VWA3A: variants seen among roughly 807,000 people sequenced by gnomAD.
VWA3A encodes von Willebrand factor A domain-containing protein 3A.
VWA3A carries 134 observed loss-of-function variants against 160.4 expected under a neutral mutation model. The observed-to-expected ratio is 0.84, with a 90% confidence interval of 0.73 to 0.96. The LOEUF is 0.96. Ranked by LOEUF, VWA3A falls within the 40% of genes least tolerant of loss-of-function variation. VWA3A has a pLI of 0.00. For missense variants in VWA3A, 1,310 were observed against 1,447.9 expected (o/e 0.90, Z 1.55); for synonymous variants, 476 against 543.4 (o/e 0.88, Z 1.72).
At chr16:22,148,572 A>G (rs540590250) in intron 28 of VWA3A, among the ~76,000 whole-genome samples, 1 of 152,190 alleles carries the variant, frequency 6.6e-6, no homozygotes, top group South Asian at 2.1e-4. Flanking sequence ...GGAATTCAAG[A>G]CCAGTCTCAG....
At chr16:22,150,956 TCTCCTGGGCCCTAATCCTGTAAATCAGAA>T in intron 30 of VWA3A, 110 bp downstream of exon 30, 1 of 1,318,370 alleles carries the variant, frequency 7.6e-7, no homozygotes, top group East Asian at 2.6e-5. Flanking sequence ...GACACGGGTT[TCTCCTGGGCCCTAATCCTGTAAATCAGAA>T]ATTAGGAGAA....
chr16:22,132,947 C>T lies in VWA3A; in HGVS notation c.1920C>T (p.Leu640=). The part of the protein sequence containing the change: ...YMAEACGGCD[L]QLNVCLFYVG... ...CTGAGGCCTGTGGCGGCTGCGACCT[C>T]CAGCTGAACGTGTGTCTCTTCTACG... Residue 640 remains leucine, a synonymous_variant, in exon 20 of 34, where the codon CTC becomes CTT. Coordinates refer to ENST00000389398, the MANE Select transcript of VWA3A (RefSeq NM_173615.5). 1 of 1,613,942 alleles carries T rather than the reference C, an allele frequency of 6.2e-7. No individual in the cohort carries two copies. Among genetic ancestry groups the T allele is most frequent in the South Asian group, 1.1e-5 (1 of 91,080 alleles).
intron 31 of VWA3A, 45 bp downstream of exon 31, chr16:22,152,679 G>A (rs374681988): frequency 8.9e-6 from 14 of 1,566,240 alleles, no homozygotes; most frequent in African/African-American, 6.8e-5. Flanking sequence ...GAAACGGCTC[G>A]ATAAAATATC....
chr16:22,138,771 G>A (rs2046091228), intron 22 of VWA3A, among the ~76,000 whole-genome samples: 1 of 151,912 alleles, frequency 6.6e-6, no homozygotes, highest in Admixed American at 6.6e-5. Flanking sequence ...TCCCTACCCT[G>A]GTACTGAGGA....
rs771671966 is a variant in VWA3A at position 22,149,904 on chromosome 16, C to A, written c.3102C>A (p.Gly1034=). ...GGGTGACCCACCTGCAAGCTCAGGGCAGCACCTCCATCTTGCAAGCATTGC... is the reference window on the plus strand; with the variant it reads ...GGGTGACCCACCTGCAAGCTCAGGGAAGCACCTCCATCTTGCAAGCATTGC... ...MQWVTHLQAQ[G]STSILQALLK... Residue 1034 remains glycine (G), a synonymous_variant, in exon 29 of 34, where the codon GGC becomes GGA. Coordinates refer to ENST00000389398, the MANE Select transcript of VWA3A (RefSeq NM_173615.5). 1 of 1,610,538 alleles carries A rather than the reference C, an allele frequency of 6.2e-7. No individual in the cohort carries two copies. The highest frequency in any genetic ancestry group is 1.1e-5 in the South Asian group (1 of 90,610).
chr16:22,152,289 C>T (rs1035537980), intron 30 of VWA3A, among the ~76,000 whole-genome samples: 4 of 152,082 alleles, frequency 2.6e-5, no homozygotes, highest in Non-Finnish European at 5.9e-5. Context: ...GACACTCACA[C>T]GGGGACTCCT....
At chr16:22,107,201 A>C (rs752089012) in intron 6 of VWA3A, among the ~76,000 whole-genome samples, 6 of 152,200 alleles carry the variant, frequency 3.9e-5, no homozygotes, top group Non-Finnish European at 8.8e-5. Flanking sequence ...GTGGTTCTCC[A>C]CCAGGGGTGA....
chr16:22,096,897 C>T lies in VWA3A; in HGVS notation c.53C>T (p.Thr18Ile), dbSNP rs369703078. 1 of 1,549,548 alleles carries T rather than the reference C, an allele frequency of 6.5e-7. No individual in the cohort carries two copies. The highest frequency in any genetic ancestry group is 8.7e-7 in the Non-Finnish European group (1 of 1,145,962). Residue 18 changes from threonine to isoleucine, a missense_variant, in exon 2 of 34, where the codon ACT becomes ATT. Thr to Ile is a moderately conservative substitution (Grantham distance 89). Transcript: ENST00000389398. ...GGGTGTTTTGCAATGGCTACACAAA[C>T]TAGTCATGTCTTCCATGGTCAAGAA... ...SIGCFAMATQ[T>I]SHVFHGQENM...
chr16:22,131,152 C>T (rs1266792984), intron 17 of VWA3A, 53 bp from the exon 18 acceptor site: 1 of 1,562,024 alleles, frequency 6.4e-7, no homozygotes, highest in Admixed American at 1.8e-5. Flanking sequence ...AAGAGGTGGG[C>T]CACCAAGTGG....
At chr16:22,105,180 A>G (rs1412917152) in intron 6 of VWA3A, among the ~76,000 whole-genome samples, 1 of 152,054 alleles carries the variant, frequency 6.6e-6, no homozygotes, top group Non-Finnish European at 1.5e-5. Context: ...CCCATACTCC[A>G]TAGGCATCCA....
intron 6 of VWA3A, among the ~76,000 whole-genome samples, chr16:22,109,267 T>C (rs1598052946): frequency 6.6e-6 from 1 of 152,192 alleles, no homozygotes; most frequent in African/African-American, 2.4e-5. Context: ...AAAAAACTTA[T>C]AAAGAAGAGG....
intron 30 of VWA3A, 51 bp from the exon 31 acceptor site, chr16:22,152,460 A>G (rs1342786533): frequency 6.2e-7 from 1 of 1,602,066 alleles, no homozygotes; most frequent in African/African-American, 1.3e-5. Context: ...AGTCACACGA[A>G]CTTGCCTGGT....
chr16:22,148,454 A>G (rs763264931), intron 28 of VWA3A, 148 bp downstream of exon 28: 38 of 1,188,586 alleles, frequency 3.2e-5, no homozygotes, highest in Non-Finnish European at 4.1e-5. Context: ...AGAGCACTGT[A>G]TTCTGCTCTG....
chr16:22,150,075 T>A, intron 29 of VWA3A, 144 bp downstream of exon 29: 1 of 1,238,482 alleles, frequency 8.1e-7, no homozygotes, highest in Non-Finnish European at 1.1e-6. Context: ...AACACCCGAG[T>A]GAGAAAAGGA....
intron 20 of VWA3A, 25 bp downstream of exon 20, chr16:22,133,120 T>G (rs766061560): frequency 6.3e-7 from 1 of 1,597,770 alleles, no homozygotes; most frequent in South Asian, 1.1e-5. Context: ...CCTCATCCCT[T>G]CAGCTCATTC....
intron 26 of VWA3A, among the ~76,000 whole-genome samples, chr16:22,145,206 A>G (rs926473207): frequency 1.2e-4 from 19 of 152,198 alleles, no homozygotes; most frequent in African/African-American, 4.6e-4. Flanking sequence ...GAAACTAAAA[A>G]TAGCCACAAA....
intron 21 of VWA3A, among the ~76,000 whole-genome samples, chr16:22,135,753 G>A (rs1266617279): frequency 6.6e-6 from 1 of 152,028 alleles, no homozygotes; most frequent in Non-Finnish European, 1.5e-5. Context: ...ACCTTTCATG[G>A]CTTGCTCCTT....
At chr16:22,136,859 C>T (rs1032474464) in intron 21 of VWA3A, among the ~76,000 whole-genome samples, 12 of 148,864 alleles carry the variant, frequency 8.1e-5, no homozygotes, top group African/African-American at 2.5e-4. Context: ...GGTGAAACCC[C>T]GTCTCTACTA....
rs571183786 is a variant in VWA3A, at chr16:22,156,681, A to G, written c.*664A>G. ...GATGGGGTGGTCTCCACCCTGGTTCATAAGAGGCTAATGCAGAGTCACAGT... is the reference window on the plus strand; with the variant it reads ...GATGGGGTGGTCTCCACCCTGGTTCGTAAGAGGCTAATGCAGAGTCACAGT... On this transcript the variant is annotated 3_prime_UTR_variant, in exon 34 of 34. Transcript: ENST00000389398. The G allele has an allele frequency of 2.0e-5, 3 of 152,234 alleles. No individual in the cohort carries two copies. The highest frequency in any genetic ancestry group is 7.2e-5 in the African/African-American group (3 of 41,468). 9.4% of individuals were successfully genotyped at this position (152,234 alleles called of 1,614,324 possible).
Sources: gnomAD v4.1 joint callset for allele counts (sites outside exome capture counted in the v4.1 genomes callset) on GRCh38, gnomAD v4.1.1 for gene constraint, MANE v1.5 for transcripts, NCBI Gene and HGNC (gene_info 2026-07-23, HGNC 2026-07-21) for gene names.